ADK: variants seen among roughly 807,000 people sequenced by gnomAD.
The protein encoded by ADK is N6,N6-dimethyladenosine kinase.
A neutral mutation model predicts 44.7 loss-of-function variants in ADK; 24 were observed. The observed-to-expected ratio is 0.54, with a 90% CI of 0.39 to 0.76. The LOEUF is 0.76. Ranked by LOEUF, ADK falls within the 30% of genes least tolerant of loss-of-function variation. The pLI is 0.00. For synonymous variants in ADK, 128 were observed against 142.6 expected (o/e 0.90, Z 0.73); for missense variants, 321 against 425.1 (o/e 0.76, Z 2.15).
intron 9 of ADK, among the ~76,000 whole-genome samples, chr10:74,652,830 A>G (rs181526985): frequency 5.3e-4 from 81 of 152,152 alleles, no homozygotes; most frequent in Middle Eastern, 3.4e-3. Context: ...CAGTCAGCTC[A>G]TAGCAAACCA....
intron 9 of ADK, among the ~76,000 whole-genome samples, chr10:74,616,597 G>C (rs1852768475): frequency 6.6e-6 from 1 of 151,886 alleles, no homozygotes; most frequent in Non-Finnish European, 1.5e-5. Flanking sequence ...TTTACCAATT[G>C]CACACTCTCA....
chr10:74,537,586 A>T (rs1849498634), intron 7 of ADK, among the ~76,000 whole-genome samples: 1 of 152,212 alleles, frequency 6.6e-6, no homozygotes, highest in Admixed American at 6.5e-5. Context: ...TTTTTATTAA[A>T]TTAAGAAGGT....
chr10:74,569,993 G>A (rs1241341229), intron 7 of ADK, among the ~76,000 whole-genome samples: 2 of 152,012 alleles, frequency 1.3e-5, no homozygotes, highest in Non-Finnish European at 2.9e-5. Flanking sequence ...TCTACTTATG[G>A]CTAGCCAGTT....
chr10:74,566,353 T>A (rs1279243751), intron 7 of ADK, among the ~76,000 whole-genome samples: 2 of 151,804 alleles, frequency 1.3e-5, no homozygotes, highest in Non-Finnish European at 2.9e-5. Context: ...ACCACAGACA[T>A]GCACCACCAC....
chr10:74,367,267 A>G (rs1487704398), intron 4 of ADK, among the ~76,000 whole-genome samples: 1 of 152,194 alleles, frequency 6.6e-6, no homozygotes, highest in East Asian at 1.9e-4. Context: ...GTTTATATCT[A>G]AAATGATTTT....
intron 6 of ADK, among the ~76,000 whole-genome samples, chr10:74,400,775 C>T (rs1301893874): frequency 1.3e-5 from 2 of 152,162 alleles, no homozygotes; most frequent in Admixed American, 6.5e-5. Context: ...AACAAATATC[C>T]GTAACTAAAA....
intron 3 of ADK, among the ~76,000 whole-genome samples, chr10:74,301,372 G>C (rs1840025535): frequency 6.6e-6 from 1 of 151,906 alleles, no homozygotes; most frequent in South Asian, 2.1e-4. Flanking sequence ...AAATTAGCTG[G>C]GCGTGGTGGC....
intron 3 of ADK, among the ~76,000 whole-genome samples, chr10:74,244,307 C>CA (rs1166312084): frequency 6.6e-6 from 1 of 151,944 alleles, no homozygotes; most frequent in African/African-American, 2.4e-5. Context: ...TTATCTGCGA[C>CA]AATAAGTAGG....
At chr10:74,629,728 A>T (rs1853343677) in intron 9 of ADK, among the ~76,000 whole-genome samples, 1 of 152,232 alleles carries the variant, frequency 6.6e-6, no homozygotes, top group African/African-American at 2.4e-5. Context: ...ATGACTTCAC[A>T]TCACACTGGT....
At position 74,545,782 on chromosome 10, in the gene ADK, ATTGAC is replaced by A. The variant is rs201178059; in HGVS notation, c.726+20361_726+20365del. On this transcript the variant is annotated intron_variant, in intron 7 of 10. Coordinates refer to ENST00000539909, the MANE Select transcript of ADK (RefSeq NM_006721.4). ...TGAGAGGCAATATATGTTTTCAGTA[ATTGAC>A]TTGAATAAAAGTAAATGTTAAACAT... Among the ~76,000 whole-genome samples the A allele has an allele frequency of 1.1e-3, 168 of 152,310 alleles. 3 individuals are homozygous for A. In the East Asian group the frequency reaches 0.029, roughly 26 times the overall value.
intron 10 of ADK, among the ~76,000 whole-genome samples, chr10:74,678,368 G>A (rs983335866): frequency 1.3e-5 from 2 of 152,090 alleles, no homozygotes; most frequent in African/African-American, 2.4e-5. Flanking sequence ...TTAAAAAAAT[G>A]TAAAGATTAT....
At chr10:74,480,841 T>G (rs1394606894) in intron 6 of ADK, among the ~76,000 whole-genome samples, 1 of 151,948 alleles carries the variant, frequency 6.6e-6, no homozygotes, top group Non-Finnish European at 1.5e-5. Context: ...ATGTGTAGAT[T>G]TAAATTTTCA....
Position 74,503,119 on chromosome 10 carries a change from C to T in ADK, c.556-22137C>T, listed in dbSNP as rs896363958. ...AACAAAGTATGGCCTATGAGCCATACGCTACAATAGCAGAGTTGAGTGGTT... is the reference window on the plus strand; with the variant it reads ...AACAAAGTATGGCCTATGAGCCATATGCTACAATAGCAGAGTTGAGTGGTT... On this transcript the variant is annotated intron_variant, in intron 6 of 10. Coordinates refer to ENST00000539909, the MANE Select transcript of ADK (RefSeq NM_006721.4). 1.4e-4 allele frequency among the ~76,000 whole-genome samples: 21 copies of T among 152,262 alleles called. No homozygotes were observed. In the Middle Eastern group the frequency reaches 0.01, roughly 74 times the overall value.
intron 3 of ADK, among the ~76,000 whole-genome samples, chr10:74,258,947 G>GTTTTT (rs141424052): frequency 1.8e-4 from 17 of 96,114 alleles, no homozygotes; most frequent in Non-Finnish European, 2.9e-4. Context: ...TTGTTTTTGT[G>GTTTTT]TTTTTTTTTT....
intron 6 of ADK, among the ~76,000 whole-genome samples, chr10:74,446,731 G>C (rs1845600524): frequency 6.6e-6 from 1 of 152,018 alleles, no homozygotes; most frequent in Admixed American, 6.6e-5. Flanking sequence ...TTAGAGCTTG[G>C]AAATATGTTA....
chr10:74,216,496 G>A (rs1844027249), intron 2 of ADK, among the ~76,000 whole-genome samples: 1 of 152,062 alleles, frequency 6.6e-6, no homozygotes, highest in South Asian at 2.1e-4. Context: ...AGGACAAGGT[G>A]GGCGGATCAC....
chr10:74,194,830 G>T (rs1342096947), intron 1 of ADK, among the ~76,000 whole-genome samples: 1 of 152,138 alleles, frequency 6.6e-6, no homozygotes, highest in African/African-American at 2.4e-5. Flanking sequence ...GATGACTGGT[G>T]TAACAGTTAA....
At chr10:74,332,800 A>C (rs1841265872) in intron 4 of ADK, among the ~76,000 whole-genome samples, 1 of 152,158 alleles carries the variant, frequency 6.6e-6, no homozygotes, top group South Asian at 2.1e-4. Context: ...TATTTGTGTA[A>C]ATCTCTGAAA....
chr10:74,525,165 CTTTTGTA>C (rs1848988435), intron 6 of ADK, 84 bp from the exon 7 acceptor site: 1 of 1,253,546 alleles, frequency 8.0e-7, no homozygotes, highest in Non-Finnish European at 1.1e-6. Context: ...ATTTTATATA[CTTTTGTA>C]TTTTGTATAG....
Sources: gnomAD v4.1 joint callset for allele counts (sites outside exome capture counted in the v4.1 genomes callset) on GRCh38, gnomAD v4.1.1 for gene constraint, MANE v1.5 for transcripts, NCBI Gene and HGNC (gene_info 2026-07-23, HGNC 2026-07-21) for gene names.